CCDC85C: variants seen among roughly 807,000 people sequenced by gnomAD.
The protein encoded by CCDC85C is coiled-coil domain containing 85C.
A neutral mutation model predicts 38.3 loss-of-function variants in CCDC85C; 18 were observed. That is an observed-to-expected ratio of 0.47 (90% CI 0.33 to 0.70). The LOEUF (loss-of-function observed/expected upper bound fraction) is 0.70, where lower values mean the gene tolerates loss of function less well. CCDC85C is among the 30% of genes least tolerant of loss of function. CCDC85C has a pLI of 0.03. For missense variants in CCDC85C, 566 were observed against 621.2 expected (o/e 0.91, Z 0.94); for synonymous variants, 264 against 293.8 (o/e 0.90, Z 1.04).
intron 1 of CCDC85C, among the ~76,000 whole-genome samples, chr14:99,602,005 T>TG (rs1350078453): frequency 6.6e-6 from 1 of 150,722 alleles, no homozygotes; most frequent in Non-Finnish European, 1.5e-5. Context: ...TGAGGGGTTC[T>TG]GGGGAGGGCA....
At chr14:99,538,595 G>C (rs576083860) in intron 1 of CCDC85C, among the ~76,000 whole-genome samples, 4 of 152,098 alleles carry the variant, frequency 2.6e-5, no homozygotes, top group Non-Finnish European at 5.9e-5. Context: ...CAGCCCACCC[G>C]CCTCCCCCTG....
chr14:99,529,546 G>A (rs1897452698), intron 2 of CCDC85C, among the ~76,000 whole-genome samples: 1 of 152,208 alleles, frequency 6.6e-6, no homozygotes, highest in African/African-American at 2.4e-5. Context: ...GGGATTACAG[G>A]TGCCGGCCAC....
chr14:99,565,913 G>C (rs897364165), intron 1 of CCDC85C, among the ~76,000 whole-genome samples: 10 of 152,222 alleles, frequency 6.6e-5, no homozygotes, highest in Non-Finnish European at 1.0e-4. Flanking sequence ...CACCAATGCA[G>C]GGGACGGTGG....
intron 2 of CCDC85C, among the ~76,000 whole-genome samples, chr14:99,524,861 C>T (rs112178532): frequency 1.8e-4 from 27 of 152,306 alleles, no homozygotes; most frequent in African/African-American, 6.3e-4. Context: ...CCCAGAAACA[C>T]CCACCTGCCC....
At chr14:99,518,195 A>G (rs1389526622) in intron 3 of CCDC85C, among the ~76,000 whole-genome samples, 1 of 151,708 alleles carries the variant, frequency 6.6e-6, no homozygotes, top group African/African-American at 2.4e-5. Context: ...GGGTTCTGCG[A>G]CCCTCAGGAC....
intron 1 of CCDC85C, 89 bp from the exon 2 acceptor site, chr14:99,536,177 G>A (rs1897595037): frequency 1.1e-6 from 1 of 936,468 alleles, no homozygotes; most frequent in South Asian, 1.4e-5. Context: ...ACCCGGCATG[G>A]AAGGTTTGGG....
At position 99,510,661 on chromosome 14, in the gene CCDC85C, C is replaced by T. The variant is rs1466186352; in HGVS notation, c.*4585G>A. On this transcript the variant is annotated 3_prime_UTR_variant, in exon 6 of 6. Coordinates refer to ENST00000380243, the MANE Select transcript of CCDC85C (RefSeq NM_001144995.2). ...CATCCTCCTCCAGGGTTGGGCCTGC[C>T]GCCAGCCAGCTACCCACCTCCTGCC... 2 of 1,415,392 alleles carry T rather than the reference C, an allele frequency of 1.4e-6. No individual in the cohort carries two copies. The highest frequency in any genetic ancestry group is 9.2e-7 in the Non-Finnish European group (1 of 1,085,886). The allele number at this position is 1,415,392 out of a possible 1,614,324, so 87.7% of individuals were successfully genotyped here. A position where few individuals can be genotyped will look rare whatever the true frequency, so the allele number is the denominator to read the frequency against.
At position 99,603,997 on chromosome 14, in the gene CCDC85C, C is replaced by T. The variant is rs1350501739; in HGVS notation, c.-38G>A. ...ACCGCGGCATCGCCCTCGCCCTCGC[C>T]CGGCCGGCGCTTCCCCGCGCCGGGG... On this transcript the variant is annotated 5_prime_UTR_variant, in exon 1 of 6. Coordinates refer to ENST00000380243, the MANE Select transcript of CCDC85C (RefSeq NM_001144995.2). This position sits in a 1 kb window ranked among gnomAD's most constrained non-coding sequence, Gnocchi z 7.5. 2.5e-6 allele frequency: 3 copies of T among 1,209,700 alleles called. No individual in the cohort carries two copies. The highest frequency in any genetic ancestry group is 3.1e-6 in the Non-Finnish European group (3 of 975,148). 74.9% of individuals were successfully genotyped at this position (1,209,700 alleles called of 1,614,324 possible).
intron 1 of CCDC85C, among the ~76,000 whole-genome samples, chr14:99,597,816 G>A (rs1394736435): frequency 6.6e-6 from 1 of 152,160 alleles, no homozygotes; most frequent in Non-Finnish European, 1.5e-5. Flanking sequence ...CCCTACACTG[G>A]GTACCAGCGT....
Position 99,569,819 on chromosome 14 carries a change from G to A in CCDC85C, c.793+33348C>T, listed in dbSNP as rs1455324469. 1.3e-5 allele frequency among the ~76,000 whole-genome samples: 2 copies of A among 152,110 alleles called. No homozygotes were observed. The highest frequency in any genetic ancestry group is 4.8e-5 in the African/African-American group (2 of 41,424). On this transcript the variant is annotated intron_variant, in intron 1 of 5. Coordinates refer to ENST00000380243, the MANE Select transcript of CCDC85C (RefSeq NM_001144995.2). This position sits in a 1 kb window ranked among gnomAD's most constrained non-coding sequence, Gnocchi z 4.3. The stretch of plus-strand genomic sequence containing the variant: ...CTGATTTGGAACATCTGCGGATACT[G>A]GAGGTTAGAAAGACCCCTGTTGTAA...
At chr14:99,586,598 C>T (rs973732147) in intron 1 of CCDC85C, among the ~76,000 whole-genome samples, 2 of 152,204 alleles carry the variant, frequency 1.3e-5, no homozygotes, top group African/African-American at 2.4e-5. Flanking sequence ...CAGGCAGCCC[C>T]GAGGGTTCCT....
chr14:99,505,184 C>G lies in CCDC85C; in HGVS notation c.*10062G>C, dbSNP rs777271342. 1 of 152,160 alleles carries G rather than the reference C, an allele frequency of 6.6e-6. No individual in the cohort carries two copies. The highest frequency in any genetic ancestry group is 6.5e-5 in the Admixed American group (1 of 15,272). The allele number at this position is 152,160 out of a possible 1,614,324, so 9.4% of individuals were successfully genotyped here. ...CATTTGAGAAGGAGTCCCCTGGCAG[C>G]AGTAAATAGGGCAAGTGGTTAGGAA... On this transcript the variant is annotated 3_prime_UTR_variant, in exon 6 of 6. Coordinates refer to ENST00000380243, the MANE Select transcript of CCDC85C (RefSeq NM_001144995.2).
Position 99,572,972 on chromosome 14 carries a change from C to T in CCDC85C, c.793+30195G>A, listed in dbSNP as rs1344100683. The T allele has an allele frequency of 7.8e-6, 3 of 383,254 alleles. No homozygotes were observed. The highest frequency in any genetic ancestry group is 1.6e-5 in the Non-Finnish European group (3 of 192,342). 23.7% of individuals were successfully genotyped at this position (383,254 alleles called of 1,614,324 possible). On this transcript the variant is annotated intron_variant, in intron 1 of 5. Transcript: ENST00000380243. The surrounding 1 kb of genome is among the most constrained non-coding windows in gnomAD (Gnocchi z 4.4). ...CTTCGCCTCCTACAAGATAGGATGG[C>T]AGCAGCCTCAGAGCAGAAGGCACCC...
At chr14:99,584,481 C>A (rs575015372) in intron 1 of CCDC85C, among the ~76,000 whole-genome samples, 1 of 152,252 alleles carries the variant, frequency 6.6e-6, no homozygotes, top group South Asian at 2.1e-4. Context: ...CATCACCACA[C>A]GCTCCCCCTT....
In CCDC85C at chr14:99,603,771, G is replaced by A. The variant is rs564615095; in HGVS notation, c.189C>T (p.His63=). Reference sequence around the variant, plus strand: ...CCTTGAGGCCGCGGATCTCCAGCAGGTGCTGCTGCAGCCGCCGGTTCACGT... The same window carrying A: ...CCTTGAGGCCGCGGATCTCCAGCAGATGCTGCTGCAGCCGCCGGTTCACGT... ...MRDVNRRLQQ[H]LLEIRGLKDV... is the part of the protein sequence containing the mutation. Residue 63 remains histidine (H), a synonymous_variant, in exon 1 of 6, where the codon CAC becomes CAT. Coordinates refer to ENST00000380243, the MANE Select transcript of CCDC85C (RefSeq NM_001144995.2). The surrounding 1 kb of genome is among the most constrained non-coding windows in gnomAD (Gnocchi z 7.5). The A allele has an allele frequency of 1.4e-4, 208 of 1,526,250 alleles. No individual in the cohort carries two copies. The African/African-American group carries it at 2.6e-3, about 19-fold the overall frequency. The allele number at this position is 1,526,250 out of a possible 1,614,324, so 94.5% of individuals were successfully genotyped here. A position where few individuals can be genotyped will look rare whatever the true frequency, so the allele number is the denominator to read the frequency against.
chr14:99,521,749 G>A (rs1227784390), intron 3 of CCDC85C, among the ~76,000 whole-genome samples: 1 of 152,230 alleles, frequency 6.6e-6, no homozygotes, highest in Non-Finnish European at 1.5e-5. Context: ...GGTAGGGGCA[G>A]AGGATACCCC....
At position 99,537,852 on chromosome 14, in the gene CCDC85C, T is replaced by A. The variant is rs568027687; in HGVS notation, c.794-1764A>T. ...GTGTGATGGGAAGAGGCCTCAGCAT[T>A]CAGGGTGTGCTGGGTCCCTCTGAGC... On this transcript the variant is annotated intron_variant, in intron 1 of 5. Coordinates refer to ENST00000380243, the MANE Select transcript of CCDC85C (RefSeq NM_001144995.2). 1.1e-3 allele frequency among the ~76,000 whole-genome samples: 161 copies of A among 152,224 alleles called. 1 individual carries two copies. The highest frequency in any genetic ancestry group is 9.4e-4 in the Non-Finnish European group (64 of 68,006).
chr14:99,500,917 T>C lies in CCDC85C; in HGVS notation c.*14329A>G, dbSNP rs148603851. On this transcript the variant is annotated 3_prime_UTR_variant, in exon 6 of 6. Transcript: ENST00000380243. ...AGAATTTTTTCATTCTGAAATCAAGTCTTTATAATTTGATGACACTCAAAT... is the reference window on the plus strand; with the variant it reads ...AGAATTTTTTCATTCTGAAATCAAGCCTTTATAATTTGATGACACTCAAAT... 2.8e-4 allele frequency: 328 copies of C among 1,186,074 alleles called. No homozygotes were observed. The highest frequency in any genetic ancestry group is 8.8e-4 in the Admixed American group (36 of 40,748). 73.5% of individuals were successfully genotyped at this position (1,186,074 alleles called of 1,614,324 possible). A position where few individuals can be genotyped will look rare whatever the true frequency, so the allele number is the denominator to read the frequency against.
intron 2 of CCDC85C, among the ~76,000 whole-genome samples, chr14:99,528,105 G>A (rs1262333899): frequency 6.6e-6 from 1 of 152,168 alleles, no homozygotes; most frequent in African/African-American, 2.4e-5. Context: ...AGGAAAGAAC[G>A]GGAGGGTGCT....
Sources: gnomAD v4.1 joint callset for allele counts (sites outside exome capture counted in the v4.1 genomes callset) on GRCh38, gnomAD v4.1.1 for gene constraint, Gnocchi (gnomAD v3.1) non-coding constraint, MANE v1.5 for transcripts, NCBI Gene and HGNC (gene_info 2026-07-23, HGNC 2026-07-21) for gene names.